The following PARD3B variants were observed in gnomAD, a reference collection of about 807,000 sequenced individuals.
PARD3B encodes partitioning defective 3 homolog B.
Under a neutral mutation model 130.2 loss-of-function variants are expected in PARD3B, and 103 were observed. The ratio of observed to expected loss-of-function variants is 0.79; its 90% CI spans 0.67 to 0.93. PARD3B has a LOEUF of 0.93. PARD3B is among the 40% of genes least tolerant of loss of function. The probability of loss-of-function intolerance (pLI) is 0.00; values close to 1 mark genes in which losing one functional copy is unlikely to be tolerated. For missense variants in PARD3B, 1,609 were observed against 1,499.2 expected (o/e 1.07, Z -1.21); for synonymous variants, 583 against 553.2 (o/e 1.05, Z -0.76).
At chr2:205,120,575 C>G (rs1056161983) in intron 7 of PARD3B, among the ~76,000 whole-genome samples, 1 of 152,162 alleles carries the variant, frequency 6.6e-6, no homozygotes, top group Non-Finnish European at 1.5e-5. Flanking sequence ...TTCCTAGCAA[C>G]AAGCAAACGT....
At position 204,861,162 on chromosome 2, in the gene PARD3B, T is replaced by TCTCTC. The variant is rs2045171094; in HGVS notation, c.223-103990_223-103989insCTCTC. Among the ~76,000 whole-genome samples, 9 of 91,310 alleles carry TCTCTC rather than the reference T, an allele frequency of 9.9e-5. 1 individual carries two copies. Among genetic ancestry groups the TCTCTC allele is most frequent in the Admixed American group, 7.3e-4 (6 of 8,258 alleles). The allele number at this position is 91,310 out of a possible 152,430, so 59.9% of individuals were successfully genotyped here. A position where few individuals can be genotyped will look rare whatever the true frequency, so the allele number is the denominator to read the frequency against. The stretch of plus-strand genomic sequence containing the variant: ...TTTCACCTATTGCTACCTAATACCT[T>TCTCTC]TCTCTCTCTCTCTCTCTCTCTCTCT... On this transcript the variant is annotated intron_variant, in intron 2 of 22. Transcript: ENST00000406610.
At position 205,413,047 on chromosome 2, in the gene PARD3B, G is replaced by A. The variant is rs116366578; in HGVS notation, c.2741+11924G>A. On this transcript the variant is annotated intron_variant, in intron 19 of 22. Transcript: ENST00000406610. ...TTACTATTTTTCTTCGTCTTTCTTT[G>A]AAAGAGAATGAACATGAGTATCAAA... Among the ~76,000 whole-genome samples, 635 of 152,284 alleles carry A rather than the reference G, an allele frequency of 4.2e-3. 6 individuals carry two copies. The highest frequency in any genetic ancestry group is 0.015 in the African/African-American group (606 of 41,540).
At chr2:205,615,179 G>A (rs370253586) in intron 22 of PARD3B, among the ~76,000 whole-genome samples, 8 of 152,268 alleles carry the variant, frequency 5.3e-5, no homozygotes, top group South Asian at 2.1e-4. Flanking sequence ...CCATGGCAAC[G>A]GGGACCCAGG....
At chr2:205,118,897 T>A in intron 6 of PARD3B, 24 bp from the exon 7 acceptor site, 1 of 1,478,940 alleles carries the variant, frequency 6.8e-7, no homozygotes, top group African/African-American at 1.4e-5. Flanking sequence ...AGTAATTATA[T>A]TTCAATCTAA....
intron 2 of PARD3B, among the ~76,000 whole-genome samples, chr2:204,859,266 T>C (rs576440004): frequency 6.6e-6 from 1 of 152,096 alleles, no homozygotes; most frequent in African/African-American, 2.4e-5. Flanking sequence ...TGCTGTTCTG[T>C]TGTGAATAAA....
At chr2:204,671,833 A>T (rs1322573592) in intron 1 of PARD3B, among the ~76,000 whole-genome samples, 2 of 152,212 alleles carry the variant, frequency 1.3e-5, no homozygotes, top group African/African-American at 4.8e-5. Flanking sequence ...ACCCACAGTC[A>T]TCTCAGCTTT....
Position 205,276,936 on chromosome 2 carries a change from G to T in PARD3B, c.2186-23594G>T, listed in dbSNP as rs1242106353. Among the ~76,000 whole-genome samples the T allele has an allele frequency of 2.0e-5, 3 of 152,182 alleles. No individual in the cohort carries two copies. The highest frequency in any genetic ancestry group is 1.9e-4 in the East Asian group (1 of 5,188). ...CCTCACAGGTGGAAGTGGGGTGAGA[G>T]AATTTGTGTGGAACACCTAGCTCCA... On this transcript the variant is annotated intron_variant, in intron 16 of 22. Coordinates refer to ENST00000406610, the MANE Select transcript of PARD3B (RefSeq NM_001302769.2). The surrounding 1 kb of genome is among the most constrained non-coding windows in gnomAD (Gnocchi z 5.0).
intron 2 of PARD3B, among the ~76,000 whole-genome samples, chr2:204,830,721 G>T (rs2043787102): frequency 6.6e-6 from 1 of 152,190 alleles, no homozygotes; most frequent in East Asian, 1.9e-4. Context: ...GTGGGAATGA[G>T]ACCAGTTCCT....
chr2:205,465,118 T>A (rs541257046), intron 20 of PARD3B, among the ~76,000 whole-genome samples: 3 of 152,332 alleles, frequency 2.0e-5, no homozygotes, highest in South Asian at 4.1e-4. Flanking sequence ...AATCTATATG[T>A]TTAGTTAATT....
At chr2:205,088,214 T>C (rs188724821) in intron 4 of PARD3B, among the ~76,000 whole-genome samples, 5 of 152,272 alleles carry the variant, frequency 3.3e-5, no homozygotes, top group Non-Finnish European at 5.9e-5. Flanking sequence ...AGGATCATGA[T>C]AGAAACGTAC....
At chr2:204,749,051 T>C (rs2040358061) in intron 2 of PARD3B, among the ~76,000 whole-genome samples, 1 of 152,138 alleles carries the variant, frequency 6.6e-6, no homozygotes. Context: ...AAATTCATAA[T>C]TAATTGAAAT....
chr2:205,206,130 A>G (rs932350481), intron 15 of PARD3B, among the ~76,000 whole-genome samples: 1 of 150,412 alleles, frequency 6.6e-6, no homozygotes, highest in Admixed American at 6.6e-5. Context: ...TCATAAAGAC[A>G]GATATGAACT....
At chr2:204,806,505 T>G (rs538104331) in intron 2 of PARD3B, among the ~76,000 whole-genome samples, 5 of 152,270 alleles carry the variant, frequency 3.3e-5, no homozygotes, top group Admixed American at 2.6e-4. Context: ...GATTAAAGAC[T>G]TAAATGTAAG....
At chr2:204,933,272 G>A (rs1348134645) in intron 2 of PARD3B, among the ~76,000 whole-genome samples, 1 of 152,126 alleles carries the variant, frequency 6.6e-6, no homozygotes, top group Admixed American at 6.5e-5. Context: ...TAGAATATTA[G>A]CTGATGAAAA....
chr2:204,966,752 G>T, intron 3 of PARD3B, among the ~76,000 whole-genome samples: 1 of 152,142 alleles, frequency 6.6e-6, no homozygotes, highest in East Asian at 1.9e-4. Context: ...AAAGTCAGCC[G>T]AGATTCCCCT....
chr2:204,915,982 A>G (rs1052345752), intron 2 of PARD3B, among the ~76,000 whole-genome samples: 1 of 152,196 alleles, frequency 6.6e-6, no homozygotes, highest in African/African-American at 2.4e-5. Flanking sequence ...AAGTCTGTAC[A>G]GTTGATTCCC....
intron 22 of PARD3B, among the ~76,000 whole-genome samples, chr2:205,603,505 A>G (rs535308915): frequency 1.3e-5 from 2 of 152,284 alleles, no homozygotes; most frequent in South Asian, 2.1e-4. Flanking sequence ...GTAGGTCTCT[A>G]AGAACCTGTT....
At chr2:205,521,575 G>A (rs558849628) in intron 21 of PARD3B, among the ~76,000 whole-genome samples, 4 of 151,746 alleles carry the variant, frequency 2.6e-5, no homozygotes, top group Admixed American at 6.6e-5. Context: ...TTCTATTAAT[G>A]TGAGAGTTCA....
In PARD3B at chr2:204,545,508, G is replaced by A. The variant is rs368108308; in HGVS notation, c.-492G>A. Among the ~76,000 whole-genome samples, 5 of 152,128 alleles carry A rather than the reference G, an allele frequency of 3.3e-5. No homozygotes were observed. In the East Asian group the frequency reaches 7.8e-4, roughly 24 times the overall value. On this transcript the variant is annotated 5_prime_UTR_variant, in exon 1 of 23. Transcript: ENST00000406610. The stretch of plus-strand genomic sequence containing the variant: ...AGCCCAGAGCGCGGGCGCCGCAGAG[G>A]AGTTGGGAGCCGGCGCAAAAGTTTC...
Sources: gnomAD v4.1 joint callset for allele counts (sites outside exome capture counted in the v4.1 genomes callset) on GRCh38, gnomAD v4.1.1 for gene constraint, Gnocchi (gnomAD v3.1) non-coding constraint, MANE v1.5 for transcripts, NCBI Gene and HGNC (gene_info 2026-07-23, HGNC 2026-07-21) for gene names.